Variants in CDIN1 observed in about 807,000 individuals in gnomAD.
CDIN1 encodes CDAN1 interacting nuclease 1, also known as CDAN1-interacting nuclease 1.
A neutral mutation model predicts 45.3 loss-of-function variants in CDIN1; 33 were observed. That is an observed-to-expected ratio of 0.73 (90% CI 0.55 to 0.97). CDIN1 has a LOEUF of 0.97. Among genes scored for constraint, CDIN1 ranks in the 50% least tolerant of loss-of-function variants. The pLI, the probability that CDIN1 is intolerant of heterozygous loss-of-function variation, is 0.00. For synonymous variants in CDIN1, 118 were observed against 124.4 expected, an observed-to-expected ratio of 0.95 and a Z score of 0.34; for missense variants, 303 against 339.4, an observed-to-expected ratio of 0.89 and a Z score of 0.84.
chr15:36,579,639 G>A lies in CDIN1; in HGVS notation c.-222G>A, dbSNP rs1254125851. ...CCAAGCTAGGGCACTCTGGTGTACA[G>A]CCAGTCCCCGCCGCGGAGGTGCCGG... On this transcript the variant is annotated 5_prime_UTR_variant, in exon 1 of 11. Transcript: ENST00000566621. 23 of 515,284 alleles carry A rather than the reference G, an allele frequency of 4.5e-5. No individual in the cohort carries two copies. The highest frequency in any genetic ancestry group is 6.9e-6 in the Non-Finnish European group (2 of 288,292). 31.9% of individuals were successfully genotyped at this position (515,284 alleles called of 1,614,324 possible).
intron 5 of CDIN1, among the ~76,000 whole-genome samples, chr15:36,688,366 C>T (rs1432559167): frequency 6.6e-5 from 10 of 152,054 alleles, no homozygotes; most frequent in Admixed American, 6.6e-4. Context: ...TATATTAGTT[C>T]TTTATGTTAA....
chr15:36,598,582 C>A (rs1387575469), intron 1 of CDIN1, among the ~76,000 whole-genome samples: 1 of 152,000 alleles, frequency 6.6e-6, no homozygotes, highest in African/African-American at 2.4e-5. Context: ...AGACCTGCCC[C>A]CAGATAAAAC....
intron 10 of CDIN1, chr15:36,790,282 A>C (rs922295868): frequency 1.3e-5 from 2 of 152,250 alleles, no homozygotes; most frequent in African/African-American, 4.8e-5. Context: ...TCCCAGCTCT[A>C]AACTCTAAAT....
chr15:36,656,464 C>T (rs971404684), intron 4 of CDIN1, among the ~76,000 whole-genome samples: 6 of 152,062 alleles, frequency 3.9e-5, no homozygotes, highest in African/African-American at 1.4e-4. Context: ...ATTCACACTT[C>T]GTTAGTGATA....
chr15:36,791,936 T>C (rs1203679710), intron 10 of CDIN1, among the ~76,000 whole-genome samples: 1 of 152,178 alleles, frequency 6.6e-6, no homozygotes, highest in Non-Finnish European at 1.5e-5. Flanking sequence ...GCATTGGCCT[T>C]AGCCTGGTCT....
At chr15:36,771,877 G>A (rs1050161799) in intron 10 of CDIN1, among the ~76,000 whole-genome samples, 9 of 148,836 alleles carry the variant, frequency 6.0e-5, no homozygotes, top group Non-Finnish European at 1.0e-4. Flanking sequence ...GCAGTGAGCA[G>A]AGATGGCGCC....
chr15:36,701,957 G>A (rs2042661357), intron 8 of CDIN1: 1 of 667,702 alleles, frequency 1.5e-6, no homozygotes, highest in African/African-American at 1.8e-5. Flanking sequence ...CTCACCTGAA[G>A]CAATAATACT....
rs7174714 is a variant in CDIN1 at position 36,807,451 on chromosome 15, G to A, written c.717-873G>A. Among the ~76,000 whole-genome samples, 600 of 152,254 alleles carry A rather than the reference G, an allele frequency of 3.9e-3. 3 individuals are homozygous for A. Among genetic ancestry groups the A allele is most frequent in the African/African-American group, 0.014 (576 of 41,542 alleles). ...TCGGTAGGAAAAACGTGAAACTGAT[G>A]TGCAAAACATCTCTCTGTGTGCAGT... On this transcript the variant is annotated intron_variant, in intron 10 of 10. Coordinates refer to ENST00000566621, the MANE Select transcript of CDIN1 (RefSeq NM_001321759.2).
In CDIN1 at chr15:36,808,730, T is replaced by C; in HGVS notation, c.*277T>C. 1 of 476,272 alleles carries C rather than the reference T, an allele frequency of 2.1e-6. No individual in the cohort carries two copies. Among genetic ancestry groups the C allele is most frequent in the Non-Finnish European group, 3.9e-6 (1 of 257,250 alleles). The allele number at this position is 476,272 out of a possible 1,614,324, so 29.5% of individuals were successfully genotyped here. On this transcript the variant is annotated 3_prime_UTR_variant, in exon 11 of 11. Transcript: ENST00000566621. ...ATTAGTTTATAGATAGTCATAATCTTTCTTTCTTCCGGATGGTTTATCCTT... is the reference window on the plus strand; with the variant it reads ...ATTAGTTTATAGATAGTCATAATCTCTCTTTCTTCCGGATGGTTTATCCTT...
chr15:36,587,870 C>G (rs945083813), intron 1 of CDIN1, among the ~76,000 whole-genome samples: 2 of 152,214 alleles, frequency 1.3e-5, no homozygotes, highest in African/African-American at 4.8e-5. Context: ...GCTCCAGAAT[C>G]TCTTTCTCGC....
rs935538629 is a variant in CDIN1, at chr15:36,686,708, G to A, written c.347-4977G>A. 6.6e-5 allele frequency among the ~76,000 whole-genome samples: 10 copies of A among 150,542 alleles called. No homozygotes were observed. The South Asian group carries it at 1.5e-3, about 22-fold the overall frequency. On this transcript the variant is annotated intron_variant, in intron 5 of 10. Transcript: ENST00000566621. The stretch of plus-strand genomic sequence containing the variant: ...CAGCCTGGCAACATAGTGAAACCCC[G>A]TCTCTACTAAAAAAAATACAAGAAA...
chr15:36,692,846 T>G (rs1037864339), intron 7 of CDIN1, among the ~76,000 whole-genome samples: 2 of 152,190 alleles, frequency 1.3e-5, no homozygotes, highest in Non-Finnish European at 1.5e-5. Flanking sequence ...AGTAACTACA[T>G]AAAGTAGGAC....
chr15:36,666,027 C>T (rs980269294), intron 5 of CDIN1, among the ~76,000 whole-genome samples: 2 of 152,016 alleles, frequency 1.3e-5, no homozygotes, highest in African/African-American at 4.8e-5. Flanking sequence ...TCTTTAGAAA[C>T]ACAATAACTT....
At chr15:36,782,856 T>C (rs1429793186) in intron 10 of CDIN1, among the ~76,000 whole-genome samples, 1 of 152,202 alleles carries the variant, frequency 6.6e-6, no homozygotes, top group Non-Finnish European at 1.5e-5. Flanking sequence ...AAACGTAGCA[T>C]TGTACTAACA....
At chr15:36,682,603 A>AC (rs1363454035) in intron 5 of CDIN1, among the ~76,000 whole-genome samples, 1 of 150,808 alleles carries the variant, frequency 6.6e-6, no homozygotes, top group Non-Finnish European at 1.5e-5. Flanking sequence ...TCTCTACAAA[A>AC]AAAAAAAAAC....
chr15:36,739,012 A>G (rs2044134495), intron 10 of CDIN1, among the ~76,000 whole-genome samples: 1 of 152,338 alleles, frequency 6.6e-6, no homozygotes, highest in Non-Finnish European at 1.5e-5. Flanking sequence ...GATGTTCCCA[A>G]AGTTTCTGAG....
chr15:36,696,665 A>G (rs2042436859), intron 7 of CDIN1, among the ~76,000 whole-genome samples: 1 of 152,194 alleles, frequency 6.6e-6, no homozygotes, highest in Non-Finnish European at 1.5e-5. Context: ...CTCGGCCTCC[A>G]GAGTGGCTGG....
intron 10 of CDIN1, among the ~76,000 whole-genome samples, chr15:36,759,832 C>T (rs765153131): frequency 6.6e-6 from 1 of 152,096 alleles, no homozygotes; most frequent in Non-Finnish European, 1.5e-5. Flanking sequence ...CGGGGAAGTG[C>T]TACACATTTT....
chr15:36,704,195 T>G (rs1027633652), intron 8 of CDIN1: 3 of 152,096 alleles, frequency 2.0e-5, no homozygotes, highest in Non-Finnish European at 2.9e-5. Flanking sequence ...CTCCCCTTTT[T>G]TTTCTATAAG....
Sources: gnomAD v4.1 joint callset for allele counts (sites outside exome capture counted in the v4.1 genomes callset) on GRCh38, gnomAD v4.1.1 for gene constraint, MANE v1.5 for transcripts, NCBI Gene and HGNC (gene_info 2026-07-23, HGNC 2026-07-21) for gene names.